The following APBA2 variants were observed in gnomAD, a reference collection of about 807,000 sequenced individuals.
The protein encoded by APBA2 is amyloid beta precursor protein binding family A member 2, also known as amyloid-beta A4 precursor protein-binding family A member 2.
APBA2 carries 30 observed loss-of-function variants against 75.0 expected under a neutral mutation model. The ratio of observed to expected loss-of-function variants is 0.40; its 90% CI spans 0.30 to 0.54. The LOEUF is 0.54. Ranked by LOEUF, APBA2 falls within the 20% of genes least tolerant of loss-of-function variation. The pLI is 0.49. For missense variants in APBA2, 801 were observed against 1,016.1 expected, an observed-to-expected ratio of 0.79 and a Z score of 2.88; for synonymous variants, 444 against 409.6, an observed-to-expected ratio of 1.08 and a Z score of -1.01.
intron 3 of APBA2, among the ~76,000 whole-genome samples, chr15:29,026,701 C>T (rs1440700492): frequency 6.6e-6 from 1 of 151,730 alleles, no homozygotes; most frequent in African/African-American, 2.4e-5. Context: ...ATCACGAGGT[C>T]AGGAGATCAA....
chr15:28,954,059 A>G (rs1343735897), intron 2 of APBA2, among the ~76,000 whole-genome samples: 2 of 152,038 alleles, frequency 1.3e-5, no homozygotes, highest in Admixed American at 6.5e-5. Flanking sequence ...TGGCAGCTCC[A>G]TGCTTCCGGA....
intron 1 of APBA2, among the ~76,000 whole-genome samples, chr15:28,886,656 A>G (rs2031750854): frequency 6.6e-6 from 1 of 151,926 alleles, no homozygotes; most frequent in Admixed American, 6.5e-5. Context: ...GCTGCTTGGC[A>G]CCGGCATCAA....
intron 2 of APBA2, among the ~76,000 whole-genome samples, chr15:28,959,709 C>A (rs1014884304): frequency 6.6e-6 from 1 of 152,214 alleles, no homozygotes; most frequent in Admixed American, 6.5e-5. Flanking sequence ...GTCAGCAGTT[C>A]CAGTTTTTAA....
At chr15:29,098,936 A>G (rs780405604) in intron 9 of APBA2, among the ~76,000 whole-genome samples, 57 of 151,744 alleles carry the variant, frequency 3.8e-4, no homozygotes, top group Admixed American at 2.8e-3. Flanking sequence ...CCGTGCCCTG[A>G]CCATCCTCCA....
At chr15:29,115,317 G>A (rs1017289001) in intron 14 of APBA2, among the ~76,000 whole-genome samples, 1 of 152,060 alleles carries the variant, frequency 6.6e-6, no homozygotes, top group Non-Finnish European at 1.5e-5. Flanking sequence ...GAGCCACATC[G>A]GGACACTGGT....
chr15:29,066,787 T>C (rs1371613697), intron 4 of APBA2, among the ~76,000 whole-genome samples: 1 of 152,168 alleles, frequency 6.6e-6, no homozygotes, highest in Non-Finnish European at 1.5e-5. Flanking sequence ...TTGAACCAAT[T>C]TGGATCCTCT....
In APBA2 at chr15:28,918,438, C is replaced by G. The variant is rs1429416555; in HGVS notation, c.-204-3202C>G. 1.3e-5 allele frequency among the ~76,000 whole-genome samples: 2 copies of G among 152,204 alleles called. No homozygotes were observed. Among genetic ancestry groups the G allele is most frequent in the Non-Finnish European group, 2.9e-5 (2 of 68,028 alleles). ...CCCCTCCAGGCCCCGAGTCCCTGTC[C>G]TTGGAGGAAGCAGGACTCCCAGGTG... On this transcript the variant is annotated intron_variant, in intron 1 of 14. Coordinates refer to ENST00000683413, the MANE Select transcript of APBA2 (RefSeq NM_001353788.2). This position sits in a 1 kb window ranked among gnomAD's most constrained non-coding sequence, Gnocchi z 4.2.
At position 28,918,496 on chromosome 15, in the gene APBA2, A is replaced by G. The variant is rs530367629; in HGVS notation, c.-204-3144A>G. 2.6e-5 allele frequency among the ~76,000 whole-genome samples: 4 copies of G among 152,186 alleles called. No individual in the cohort carries two copies. The highest frequency in any genetic ancestry group is 9.7e-5 in the African/African-American group (4 of 41,444). Reference sequence around the variant, plus strand: ...TGAAGCAGATGGCTTCCCCCACTGCAAGGAGGAATCCCGGTGCTCTTCTCC... The same window carrying G: ...TGAAGCAGATGGCTTCCCCCACTGCGAGGAGGAATCCCGGTGCTCTTCTCC... On this transcript the variant is annotated intron_variant, in intron 1 of 14. Coordinates refer to ENST00000683413, the MANE Select transcript of APBA2 (RefSeq NM_001353788.2). This position sits in a 1 kb window ranked among gnomAD's most constrained non-coding sequence, Gnocchi z 4.2.
chr15:28,912,763 GT>G (rs1012049603), intron 1 of APBA2, among the ~76,000 whole-genome samples: 5 of 152,242 alleles, frequency 3.3e-5, no homozygotes, highest in African/African-American at 1.2e-4. Flanking sequence ...GGACCCTAAT[GT>G]CTCCTGATTT....
rs112551012 is a variant in APBA2 at position 28,999,408 on chromosome 15, G to C, written c.-41+3602G>C. On this transcript the variant is annotated intron_variant, in intron 3 of 14. Coordinates refer to ENST00000683413, the MANE Select transcript of APBA2 (RefSeq NM_001353788.2). ...TTAATTTTAAAAAGACAATAGAATT[G>C]AAAAATGAGCAAATACTATGAAGAA... 6.6e-3 allele frequency among the ~76,000 whole-genome samples: 1,004 copies of C among 152,220 alleles called. 13 individuals are homozygous for C. The highest frequency in any genetic ancestry group is 0.023 in the African/African-American group (957 of 41,528).
intron 2 of APBA2, among the ~76,000 whole-genome samples, chr15:28,935,430 G>T (rs551313324): frequency 6.6e-6 from 1 of 152,054 alleles, no homozygotes; most frequent in African/African-American, 2.4e-5. Flanking sequence ...GCTCACTGCC[G>T]CTGCTGTCTG....
intron 2 of APBA2, among the ~76,000 whole-genome samples, chr15:28,971,077 G>T (rs149030629): frequency 1.3e-5 from 2 of 152,054 alleles, no homozygotes; most frequent in Middle Eastern, 6.3e-3. Context: ...TGTAAATTGC[G>T]TTTTCTATTT....
At chr15:29,069,721 C>T (rs1595887329) in intron 4 of APBA2, among the ~76,000 whole-genome samples, 1 of 152,212 alleles carries the variant, frequency 6.6e-6, no homozygotes, top group Non-Finnish European at 1.5e-5. Flanking sequence ...TTGTTGCATG[C>T]ATCGTCCTGT....
intron 13 of APBA2, among the ~76,000 whole-genome samples, chr15:29,113,350 GC>G (rs1025269433): frequency 2.0e-5 from 3 of 149,380 alleles, no homozygotes; most frequent in African/African-American, 7.6e-5. Context: ...ACGTCACTTG[GC>G]GGGGGGGGGA....
chr15:28,931,922 C>T (rs945900743), intron 2 of APBA2, among the ~76,000 whole-genome samples: 2 of 152,172 alleles, frequency 1.3e-5, no homozygotes, highest in Non-Finnish European at 2.9e-5. Flanking sequence ...AAGGTCCCTG[C>T]GTGTGAGCCT....
chr15:29,064,468 C>T (rs1157209332), intron 4 of APBA2, among the ~76,000 whole-genome samples: 2 of 152,190 alleles, frequency 1.3e-5, no homozygotes, highest in Admixed American at 1.3e-4. Flanking sequence ...GAGACTCTCC[C>T]CGCCCCCATC....
chr15:29,071,922 C>G (rs984858711), intron 4 of APBA2, among the ~76,000 whole-genome samples: 1 of 151,988 alleles, frequency 6.6e-6, no homozygotes, highest in East Asian at 2.0e-4. Flanking sequence ...ACTGGGGAGT[C>G]CCATGGGTAG....
chr15:28,930,848 C>G (rs1595485133), intron 2 of APBA2, among the ~76,000 whole-genome samples: 1 of 152,200 alleles, frequency 6.6e-6, no homozygotes, highest in South Asian at 2.1e-4. Flanking sequence ...CCACCATGCC[C>G]CTCGGGAGTG....
intron 3 of APBA2, among the ~76,000 whole-genome samples, chr15:29,014,949 C>A (rs2039584059): frequency 1.3e-5 from 2 of 152,128 alleles, no homozygotes. Flanking sequence ...TTCAAAATCA[C>A]CTTGAAGGCG....
Sources: allele counts gnomAD v4.1 joint callset (sites outside exome capture counted in the v4.1 genomes callset), GRCh38; gene constraint gnomAD v4.1.1; non-coding constraint Gnocchi (gnomAD v3.1); transcripts MANE v1.5; gene names NCBI Gene and HGNC (gene_info 2026-07-23, HGNC 2026-07-21).